Variants in ZNF280D observed in about 807,000 individuals in gnomAD.
The protein encoded by ZNF280D is zinc finger protein 280D.
Under a neutral mutation model 94.7 loss-of-function variants are expected in ZNF280D, and 39 were observed. The ratio of observed to expected loss-of-function variants is 0.41; its 90% CI spans 0.32 to 0.54. The LOEUF is 0.54. Among genes scored for constraint, ZNF280D ranks in the 20% least tolerant of loss-of-function variants. ZNF280D has a pLI of 0.22. For synonymous variants in ZNF280D, 398 were observed against 377.6 expected, an observed-to-expected ratio of 1.05 and a Z score of -0.63; for missense variants, 1,090 against 1,149.3, an observed-to-expected ratio of 0.95 and a Z score of 0.75.
At chr15:56,686,393 C>T (rs1371774369) in intron 9 of ZNF280D, among the ~76,000 whole-genome samples, 1 of 152,162 alleles carries the variant, frequency 6.6e-6, no homozygotes, top group African/African-American at 2.4e-5. Flanking sequence ...CTGGCCTCGG[C>T]CTCCCAAAGT....
At chr15:56,660,647 T>A (rs988728380) in intron 16 of ZNF280D, among the ~76,000 whole-genome samples, 2 of 152,046 alleles carry the variant, frequency 1.3e-5, no homozygotes, top group African/African-American at 2.4e-5. Flanking sequence ...TTTATTACAA[T>A]ATAGTAAAAA....
chr15:56,643,682 C>G (rs1049766054), intron 19 of ZNF280D, among the ~76,000 whole-genome samples: 1 of 151,890 alleles, frequency 6.6e-6, no homozygotes, highest in East Asian at 1.9e-4. Flanking sequence ...TCCAAAGGAT[C>G]TTTGTTTTAG....
At chr15:56,637,959 G>A (rs1323410180) in intron 20 of ZNF280D, among the ~76,000 whole-genome samples, 1 of 152,078 alleles carries the variant, frequency 6.6e-6, no homozygotes, top group African/African-American at 2.4e-5. Context: ...GAAAATATTT[G>A]GGTCTGTGAT....
At chr15:56,704,992 A>G (rs1042898485) in intron 3 of ZNF280D, among the ~76,000 whole-genome samples, 5 of 152,128 alleles carry the variant, frequency 3.3e-5, no homozygotes, top group Non-Finnish European at 4.4e-5. Flanking sequence ...TTTAAAAAAA[A>G]AAATGCCAGG....
chr15:56,700,608 G>C, intron 6 of ZNF280D: 1 of 1,200,018 alleles, frequency 8.3e-7, no homozygotes, highest in Non-Finnish European at 1.0e-6. Flanking sequence ...AGAATACCTG[G>C]TCCCGTCTGC....
In ZNF280D at chr15:56,630,608, T is replaced by C. The variant is rs537149333; in HGVS notation, c.*890A>G. On this transcript the variant is annotated 3_prime_UTR_variant, in exon 22 of 22. Transcript: ENST00000267807. Reference sequence around the variant, plus strand: ...GCTTTACAATATCTACATTATACCATACTTTGGTTTGGCTTCCAGACCATT... The same window carrying C: ...GCTTTACAATATCTACATTATACCACACTTTGGTTTGGCTTCCAGACCATT... The C allele has an allele frequency of 3.3e-5, 5 of 152,292 alleles. No individual in the cohort carries two copies. In the East Asian group the frequency reaches 9.6e-4, roughly 29 times the overall value. The allele number at this position is 152,292 out of a possible 1,614,324, so 9.4% of individuals were successfully genotyped here.
chr15:56,654,564 G>T, intron 17 of ZNF280D, 61 bp from the exon 18 acceptor site: 1 of 1,461,140 alleles, frequency 6.8e-7, no homozygotes, highest in Non-Finnish European at 9.2e-7. Context: ...TTATAAGTTT[G>T]ATGATTATTT....
chr15:56,670,004 TA>T (rs1244398585), intron 13 of ZNF280D, among the ~76,000 whole-genome samples: 1 of 1,528 alleles, frequency 6.5e-4, no homozygotes, highest in African/African-American at 9.3e-4. Flanking sequence ...ATATTATATA[TA>T]TATAATATAT....
intron 16 of ZNF280D, among the ~76,000 whole-genome samples, chr15:56,660,356 T>G (rs1448648876): frequency 6.6e-6 from 1 of 152,170 alleles, no homozygotes; most frequent in Non-Finnish European, 1.5e-5. Context: ...GGTCTTTTGA[T>G]AGCCTCTGCA....
chr15:56,639,623 T>C (rs373366202), intron 20 of ZNF280D, among the ~76,000 whole-genome samples: 5 of 152,148 alleles, frequency 3.3e-5, no homozygotes, highest in South Asian at 2.1e-4. Context: ...ATACTGGATA[T>C]AAGAAGATAG....
chr15:56,640,652 C>T (rs142950747), intron 20 of ZNF280D, among the ~76,000 whole-genome samples: 107 of 152,140 alleles, frequency 7.0e-4, no homozygotes, highest in African/African-American at 2.5e-3. Context: ...CTGTCATGTA[C>T]AATTTCTCTT....
At chr15:56,635,171 A>C in intron 21 of ZNF280D, 24 bp downstream of exon 21, 2 of 1,449,488 alleles carry the variant, frequency 1.4e-6, no homozygotes, top group Non-Finnish European at 1.9e-6. Flanking sequence ...AATTTTATGA[A>C]ATTCAGTTTT....
intron 9 of ZNF280D, among the ~76,000 whole-genome samples, chr15:56,687,234 T>C (rs2056087780): frequency 6.6e-6 from 1 of 152,126 alleles, no homozygotes; most frequent in South Asian, 2.1e-4. Flanking sequence ...ATACAATTTC[T>C]TACAATGACA....
intron 10 of ZNF280D, 38 bp downstream of exon 10, chr15:56,682,216 T>G: frequency 7.2e-7 from 1 of 1,392,870 alleles, no homozygotes; most frequent in Non-Finnish European, 9.8e-7. Flanking sequence ...TTGCAGCATT[T>G]CAATTTTCAA....
At chr15:56,685,654 C>T (rs1484471364) in intron 9 of ZNF280D, among the ~76,000 whole-genome samples, 5 of 152,102 alleles carry the variant, frequency 3.3e-5, no homozygotes, top group African/African-American at 1.2e-4. Context: ...TACTTTAATC[C>T]TTCCTCATAG....
chr15:56,637,143 C>A (rs1346805718), intron 20 of ZNF280D, among the ~76,000 whole-genome samples: 1 of 150,818 alleles, frequency 6.6e-6, no homozygotes, highest in Non-Finnish European at 1.5e-5. Flanking sequence ...AATGATCAAC[C>A]CCAAAGAAAA....
chr15:56,704,532 G>T (rs2057283273), intron 3 of ZNF280D, among the ~76,000 whole-genome samples: 1 of 152,154 alleles, frequency 6.6e-6, no homozygotes, highest in South Asian at 2.1e-4. Context: ...CAAATTCAGT[G>T]AAAGTGAGTT....
Position 56,693,109 on chromosome 15 carries a change from A to C in ZNF280D, c.488T>G (p.Leu163Arg), listed in dbSNP as rs1156858647. The change falls in exon 7 of 22, where the codon CTT becomes CGT. Residue 163 changes from leucine (L) to arginine (R), a missense_variant. By Grantham distance (102) the Leu-to-Arg change is moderately radical (BLOSUM62 -2). Coordinates refer to ENST00000267807, the MANE Select transcript of ZNF280D (RefSeq NM_017661.4). ...ATACTAAAACCAACCTGCCATAGAA[A>C]GTGTTGGTCCCCCTTGGTAATGTGA... is the stretch of plus-strand genomic sequence containing the variant. ...GLSHYQGGPTLSMAGMSESSF... is the reference protein window; with the variant it reads ...GLSHYQGGPTRSMAGMSESSF... 6.3e-7 allele frequency: 1 copy of C among 1,598,756 alleles called. No individual in the cohort carries two copies. The highest frequency in any genetic ancestry group is 1.3e-5 in the African/African-American group (1 of 74,560).
At chr15:56,692,168 T>A (rs1280296038) in intron 7 of ZNF280D, among the ~76,000 whole-genome samples, 1 of 152,142 alleles carries the variant, frequency 6.6e-6, no homozygotes, top group African/African-American at 2.4e-5. Flanking sequence ...TCTCCCTGTT[T>A]CTTTTGGTTC....
Sources: gnomAD v4.1 joint callset for allele counts (sites outside exome capture counted in the v4.1 genomes callset) on GRCh38, gnomAD v4.1.1 for gene constraint, MANE v1.5 for transcripts, NCBI Gene and HGNC (gene_info 2026-07-23, HGNC 2026-07-21) for gene names.